Variants in USP34 observed in about 807,000 individuals in gnomAD.
USP34 encodes ubiquitin carboxyl-terminal hydrolase 34.
Under a neutral mutation model 460.3 loss-of-function variants are expected in USP34, and 70 were observed. That is an observed-to-expected ratio of 0.15 (90% CI 0.13 to 0.19). The LOEUF (loss-of-function observed/expected upper bound fraction) is 0.19. Among genes scored for constraint, USP34 ranks in the 10% least tolerant of loss-of-function variants. The pLI, the probability that USP34 is intolerant of heterozygous loss-of-function variation, is 1.00. For synonymous variants in USP34, 1,647 were observed against 1,405.3 expected, an observed-to-expected ratio of 1.17 and a Z score of -3.85; for missense variants, 3,985 against 4,236.2, an observed-to-expected ratio of 0.94 and a Z score of 1.65.
At chr2:61,372,101 T>C (rs1255840121) in intron 8 of USP34, among the ~76,000 whole-genome samples, 2 of 151,928 alleles carry the variant, frequency 1.3e-5, no homozygotes, top group African/African-American at 4.8e-5. Flanking sequence ...TAATAAAAGG[T>C]CCCCAATTTT....
At chr2:61,274,725 T>C (rs141557661) in intron 41 of USP34, among the ~76,000 whole-genome samples, 5 of 152,236 alleles carry the variant, frequency 3.3e-5, no homozygotes, top group East Asian at 3.9e-4. Context: ...TGCTGGAAAA[T>C]TGGAAATTAA....
chr2:61,196,471 T>C (rs1686813011), intron 75 of USP34, among the ~76,000 whole-genome samples: 5 of 152,028 alleles, frequency 3.3e-5, no homozygotes. Context: ...GTGATCCGCC[T>C]GCCTTGGCCT....
intron 1 of USP34, among the ~76,000 whole-genome samples, chr2:61,436,581 CAGACCT>C (rs1694819697): frequency 6.6e-6 from 1 of 152,200 alleles, no homozygotes; most frequent in African/African-American, 2.4e-5. Context: ...ACGGGAGAGA[CAGACCT>C]CAACATAATA....
intron 10 of USP34, among the ~76,000 whole-genome samples, chr2:61,359,234 G>A (rs1692202451): frequency 1.3e-5 from 2 of 152,128 alleles, no homozygotes; most frequent in South Asian, 4.1e-4. Context: ...ACTGACATAA[G>A]GACACACATG....
At chr2:61,338,123 A>T (rs1479065013) in intron 18 of USP34, among the ~76,000 whole-genome samples, 5 of 152,194 alleles carry the variant, frequency 3.3e-5, no homozygotes, top group African/African-American at 1.2e-4. Context: ...GGAGTTGAAG[A>T]CCAGCCTGGC....
Position 61,347,917 on chromosome 2 carries a change from A to T in USP34, c.2238T>A (p.Gly746=). ...GGTGGTGGTGGTGGTGATGCTGTGG[A>T]CCAATAAATTGTCGACAATTAAATA... The part of the protein sequence containing the change: ...NELFNCRQFI[G]PQHHHHHHHH... Residue 746 remains glycine (G), a synonymous_variant, in exon 15 of 80, where the codon GGT becomes GGA. Coordinates refer to ENST00000398571, the MANE Select transcript of USP34 (RefSeq NM_014709.4). 1 of 1,614,012 alleles carries T rather than the reference A, an allele frequency of 6.2e-7. No individual in the cohort carries two copies. Among genetic ancestry groups the T allele is most frequent in the Non-Finnish European group, 8.5e-7 (1 of 1,179,956 alleles).
intron 49 of USP34, 23 bp from the exon 50 acceptor site, chr2:61,246,500 GAAAT>G: frequency 6.9e-7 from 1 of 1,456,472 alleles, no homozygotes; most frequent in Non-Finnish European, 9.1e-7. Flanking sequence ...ACACAGAATG[GAAAT>G]AATTTTCCAA....
At chr2:61,465,429 G>A (rs1573073421) in intron 1 of USP34, among the ~76,000 whole-genome samples, 3 of 152,322 alleles carry the variant, frequency 2.0e-5, no homozygotes, top group South Asian at 2.1e-4. Context: ...TACTTTTAAC[G>A]ATACTGCATT....
chr2:61,440,952 C>A (rs1024757260), intron 1 of USP34, among the ~76,000 whole-genome samples: 10 of 151,516 alleles, frequency 6.6e-5, no homozygotes, highest in Non-Finnish European at 7.4e-5. Context: ...ACGGTGAAAC[C>A]CCGTCTCTAC....
At chr2:61,376,967 C>A (rs1692817268) in intron 8 of USP34, among the ~76,000 whole-genome samples, 1 of 152,202 alleles carries the variant, frequency 6.6e-6, no homozygotes, top group African/African-American at 2.4e-5. Context: ...TATAAATACA[C>A]TGGATATCGT....
intron 38 of USP34, among the ~76,000 whole-genome samples, chr2:61,280,754 A>G (rs1407213008): frequency 1.3e-5 from 2 of 152,194 alleles, no homozygotes; most frequent in Non-Finnish European, 2.9e-5. Context: ...AGATAAAAAG[A>G]AAACTGTGAC....
In USP34 at chr2:61,316,799, T is replaced by C. The variant is rs186409138; in HGVS notation, c.3282+855A>G. Among the ~76,000 whole-genome samples, 551 of 151,690 alleles carry C rather than the reference T, an allele frequency of 3.6e-3. 1 individual carries two copies. The highest frequency in any genetic ancestry group is 4.8e-3 in the Non-Finnish European group (325 of 67,882). ...ACTTCGGGAAGCTGAGGCATGAGAA[T>C]TGCTAGAACCCGGGAGGTGGCGGTT... is the stretch of plus-strand genomic sequence containing the variant. On this transcript the variant is annotated intron_variant, in intron 23 of 79. Coordinates refer to ENST00000398571, the MANE Select transcript of USP34 (RefSeq NM_014709.4).
At chr2:61,287,710 T>C (rs1038943567) in intron 34 of USP34, among the ~76,000 whole-genome samples, 4 of 152,240 alleles carry the variant, frequency 2.6e-5, no homozygotes, top group Non-Finnish European at 4.4e-5. Flanking sequence ...CAGTATATAA[T>C]AGTATTAACA....
intron 20 of USP34, among the ~76,000 whole-genome samples, chr2:61,329,297 A>AT (rs535598305): frequency 2.0e-5 from 3 of 151,912 alleles, no homozygotes; most frequent in Non-Finnish European, 2.9e-5. Context: ...AAGTGTTGGG[A>AT]TTACAGCCAT....
At chr2:61,211,969 T>C in intron 68 of USP34, 40 bp from the exon 69 acceptor site, 9 of 1,551,904 alleles carry the variant, frequency 5.8e-6, no homozygotes, top group South Asian at 1.2e-5. Context: ...TTTAACCCTA[T>C]AGCATTTTAG....
chr2:61,398,575 A>G (rs1374309296), intron 3 of USP34, among the ~76,000 whole-genome samples: 2 of 8,018 alleles, frequency 2.5e-4, no homozygotes, highest in Non-Finnish European at 5.6e-4. Context: ...GAAGAGGGGA[A>G]AGTCGGGGGA....
intron 2 of USP34, among the ~76,000 whole-genome samples, chr2:61,414,371 C>G (rs2103957317): frequency 6.6e-6 from 1 of 152,238 alleles, no homozygotes; most frequent in East Asian, 1.9e-4. Context: ...ATCAATACTT[C>G]TGAAATTCTG....
At chr2:61,298,384 A>AC (rs1423857667) in intron 29 of USP34, among the ~76,000 whole-genome samples, 1 of 146,646 alleles carries the variant, frequency 6.8e-6, no homozygotes, top group Admixed American at 6.7e-5. Context: ...AAAAAAAAAA[A>AC]AAAACTAGCT....
intron 8 of USP34, among the ~76,000 whole-genome samples, chr2:61,373,537 G>A (rs1692695427): frequency 6.6e-6 from 1 of 152,006 alleles, no homozygotes; most frequent in South Asian, 2.1e-4. Flanking sequence ...GCCAAAAAAT[G>A]TCTGAAAGAG....
Sources: allele counts gnomAD v4.1 joint callset (sites outside exome capture counted in the v4.1 genomes callset), GRCh38; gene constraint gnomAD v4.1.1; transcripts MANE v1.5; gene names NCBI Gene and HGNC (gene_info 2026-07-23, HGNC 2026-07-21).